The following EHMT1 variants were observed in gnomAD, a reference collection of about 807,000 sequenced individuals.
EHMT1 encodes the protein euchromatic histone lysine methyltransferase 1.
In EHMT1, 15 loss-of-function variants were observed where a neutral mutation model predicts 147.2. That is an observed-to-expected ratio of 0.10 (90% CI 0.07 to 0.16). EHMT1 has a LOEUF of 0.16. Ranked by LOEUF, EHMT1 falls within the 10% of genes least tolerant of loss-of-function variation. The pLI is 1.00. For missense variants in EHMT1, 1,587 were observed against 1,772.4 expected (o/e 0.90, Z 1.88); for synonymous variants, 795 against 709.6 (o/e 1.12, Z -1.91).
At position 137,639,696 on chromosome 9, in the gene EHMT1, A is replaced by G. The variant is rs73581300; in HGVS notation, c.21+20647A>G. On this transcript the variant is annotated intron_variant, in intron 1 of 26. Coordinates refer to ENST00000460843, the MANE Select transcript of EHMT1 (RefSeq NM_024757.5). The stretch of plus-strand genomic sequence containing the variant: ...GCCTTTTAATCTCTTTGTATCTTCA[A>G]TCGAAGGGATGTCTCTTACAGTCCT... 6.5e-3 allele frequency among the ~76,000 whole-genome samples: 991 copies of G among 152,260 alleles called. 7 individuals are homozygous for G. The highest frequency in any genetic ancestry group is 0.022 in the African/African-American group (923 of 41,550).
intron 25 of EHMT1, among the ~76,000 whole-genome samples, chr9:137,820,494 T>C (rs1165505077): frequency 6.6e-6 from 1 of 152,268 alleles, no homozygotes; most frequent in Non-Finnish European, 1.5e-5. Flanking sequence ...AGAAGTTCTT[T>C]TTTTTATTCT....
intron 1 of EHMT1, among the ~76,000 whole-genome samples, chr9:137,699,135 G>A (rs960424137): frequency 4.6e-5 from 7 of 152,180 alleles, no homozygotes; most frequent in Admixed American, 1.3e-4. Flanking sequence ...AAGGCGCGCT[G>A]CCGTCTTCTC....
chr9:137,703,411 C>G (rs1310905034), intron 1 of EHMT1, among the ~76,000 whole-genome samples: 2 of 152,168 alleles, frequency 1.3e-5, no homozygotes, highest in Non-Finnish European at 2.9e-5. Context: ...AATATAAGTT[C>G]CAGTTTCAGA....
At chr9:137,795,401 G>GCACGCACACACACACACA (rs1554887413) in intron 16 of EHMT1, among the ~76,000 whole-genome samples, 2 of 130,282 alleles carry the variant, frequency 1.5e-5, no homozygotes, top group Admixed American at 8.3e-5. Flanking sequence ...ATCGCAGGGT[G>GCACGCACACACACACACA]CACACACACA....
Position 137,643,934 on chromosome 9 carries a change from C to T in EHMT1, c.21+24885C>T, listed in dbSNP as rs113166028. ...TGATGAGTACTTCATCTGCAGCATG[C>T]GTTGTCTTCTCACCCCTGTCTGACG... On this transcript the variant is annotated intron_variant, in intron 1 of 26. Coordinates refer to ENST00000460843, the MANE Select transcript of EHMT1 (RefSeq NM_024757.5). Among the ~76,000 whole-genome samples, 46 of 152,292 alleles carry T rather than the reference C, an allele frequency of 3.0e-4. 1 individual carries two copies. Among genetic ancestry groups the T allele is most frequent in the African/African-American group, 6.5e-4 (27 of 41,568 alleles).
intron 16 of EHMT1, among the ~76,000 whole-genome samples, chr9:137,797,640 T>C (rs1467318133): frequency 6.6e-6 from 1 of 152,046 alleles, no homozygotes; most frequent in African/African-American, 2.4e-5. Flanking sequence ...TTCTGAACAC[T>C]AGCCGTGTGG....
intron 1 of EHMT1, among the ~76,000 whole-genome samples, chr9:137,703,129 C>T (rs571627249): frequency 1.1e-4 from 17 of 152,274 alleles, no homozygotes; most frequent in Admixed American, 5.9e-4. Context: ...GCTGTGATGC[C>T]GGACACCATG....
chr9:137,639,204 T>C (rs554087270), intron 1 of EHMT1, among the ~76,000 whole-genome samples: 1 of 151,658 alleles, frequency 6.6e-6, no homozygotes, highest in East Asian at 1.9e-4. Flanking sequence ...CTTTGTATAG[T>C]TTCAGTGTGT....
At chr9:137,671,190 G>A (rs1372693558) in intron 1 of EHMT1, among the ~76,000 whole-genome samples, 2 of 152,060 alleles carry the variant, frequency 1.3e-5, no homozygotes, top group African/African-American at 4.8e-5. Context: ...ATAAGTGAGC[G>A]GAAATTCTTA....
chr9:137,726,698 C>T (rs143864243), intron 3 of EHMT1, among the ~76,000 whole-genome samples: 80 of 152,318 alleles, frequency 5.3e-4, no homozygotes, highest in African/African-American at 1.6e-3. Flanking sequence ...TTTTCCACAG[C>T]GGATGCACCG....
At chr9:137,694,181 A>G (rs1943190370) in intron 1 of EHMT1, among the ~76,000 whole-genome samples, 1 of 121,700 alleles carries the variant, frequency 8.2e-6, no homozygotes, top group African/African-American at 3.4e-5. Flanking sequence ...GCTGGCCGAT[A>G]CCCACCAGGC....
chr9:137,739,139 A>C (rs1469927379), intron 4 of EHMT1, among the ~76,000 whole-genome samples: 2 of 151,284 alleles, frequency 1.3e-5, no homozygotes, highest in African/African-American at 2.4e-5. Context: ...TGGGAGGCCG[A>C]AGCAGGCAGA....
chr9:137,818,170 G>C (rs1564820041), intron 25 of EHMT1, 32 bp downstream of exon 25: 2 of 1,605,522 alleles, frequency 1.2e-6, no homozygotes, highest in Non-Finnish European at 1.7e-6. Flanking sequence ...GGGCCACGCA[G>C]AACTTGTGAA....
At chr9:137,625,203 G>A (rs185011273) in intron 1 of EHMT1, among the ~76,000 whole-genome samples, 5 of 152,096 alleles carry the variant, frequency 3.3e-5, no homozygotes, top group Admixed American at 1.3e-4. Flanking sequence ...ATTCTTAACC[G>A]TTTGCAAGCA....
Position 137,813,655 on chromosome 9 carries a change from G to C in EHMT1, c.3180+125G>C. ...GGGCTTATGGGGGGCTTCCCAGGAA[G>C]ACCTCATTCTCTTTGTAGTTGCCTC... On this transcript the variant is annotated intron_variant, in intron 21 of 26. Coordinates refer to ENST00000460843, the MANE Select transcript of EHMT1 (RefSeq NM_024757.5). The surrounding 1 kb of genome is among the most constrained non-coding windows in gnomAD (Gnocchi z 4.9). 2 of 1,368,254 alleles carry C rather than the reference G, an allele frequency of 1.5e-6. No homozygotes were observed. Among genetic ancestry groups the C allele is most frequent in the Non-Finnish European group, 2.0e-6 (2 of 990,664 alleles). The allele number at this position is 1,368,254 out of a possible 1,614,324, so 84.8% of individuals were successfully genotyped here.
At position 137,716,746 on chromosome 9, in the gene EHMT1, C is replaced by G; in HGVS notation, c.206C>G (p.Ala69Gly). ...ENSDASSHANAAKHTQDSARV... is the reference protein window; with the variant it reads ...ENSDASSHANGAKHTQDSARV... ...AGCGATGCCAGCAGTCATGCAAATG[C>G]TGCAAAGCACACTCAGGACAGCGCA... is the stretch of plus-strand genomic sequence containing the variant. Residue 69 changes from alanine to glycine, a missense_variant, in exon 3 of 27, where the codon GCT (alanine) becomes GGT (glycine). Ala to Gly is a moderately conservative substitution (Grantham distance 60). Transcript: ENST00000460843. 1 of 1,612,894 alleles carries G rather than the reference C, an allele frequency of 6.2e-7. No individual in the cohort carries two copies. The highest frequency in any genetic ancestry group is 8.5e-7 in the Non-Finnish European group (1 of 1,179,658).
chr9:137,821,329 T>TTTC (rs1163580824), intron 25 of EHMT1, among the ~76,000 whole-genome samples: 1 of 142,104 alleles, frequency 7.0e-6, no homozygotes, highest in African/African-American at 2.7e-5. Context: ...TTTTTTTTTT[T>TTTC]TTTTTTTTTT....
chr9:137,730,167 T>C (rs1201274472), intron 4 of EHMT1, among the ~76,000 whole-genome samples: 1 of 152,174 alleles, frequency 6.6e-6, no homozygotes, highest in Admixed American at 6.5e-5. Flanking sequence ...TCCTTAGGAA[T>C]TGAATTGTGG....
At chr9:137,759,907 G>A (rs1402803312) in intron 9 of EHMT1, among the ~76,000 whole-genome samples, 1 of 152,234 alleles carries the variant, frequency 6.6e-6, no homozygotes, top group Non-Finnish European at 1.5e-5. Flanking sequence ...GTCAGTGGGG[G>A]CAGGTGATGC....
Sources: allele counts gnomAD v4.1 joint callset (sites outside exome capture counted in the v4.1 genomes callset), GRCh38; gene constraint gnomAD v4.1.1; non-coding constraint Gnocchi (gnomAD v3.1); transcripts MANE v1.5; gene names NCBI Gene and HGNC (gene_info 2026-07-23, HGNC 2026-07-21).